The following SLC24A2 variants were observed in gnomAD, a reference collection of about 807,000 sequenced individuals.
SLC24A2 encodes solute carrier family 24 member 2.
In SLC24A2, 36 loss-of-function variants were observed where a neutral mutation model predicts 62.0. That is an observed-to-expected ratio of 0.58 (90% CI 0.44 to 0.77). The LOEUF (loss-of-function observed/expected upper bound fraction) is 0.77. Among genes scored for constraint, SLC24A2 ranks in the 30% least tolerant of loss-of-function variants. The probability of loss-of-function intolerance (pLI) is 0.00; values close to 1 mark genes in which losing one functional copy is unlikely to be tolerated. For missense variants in SLC24A2, 846 were observed against 817.9 expected (o/e 1.03, Z -0.42); for synonymous variants, 358 against 294.0 (o/e 1.22, Z -2.23).
chr9:20,177,025 G>C, the SLC24A2 span, among the ~76,000 whole-genome samples: 1 of 152,028 alleles, frequency 6.6e-6, no homozygotes, highest in Non-Finnish European at 1.5e-5. Flanking sequence ...CTTAGTCTTT[G>C]ATTCACAGAA....
chr9:20,151,500 G>A, the SLC24A2 span, among the ~76,000 whole-genome samples: 1 of 151,812 alleles, frequency 6.6e-6, no homozygotes, highest in African/African-American at 2.4e-5. Flanking sequence ...ATCTGTAAGT[G>A]CTTCCTCAGA....
the SLC24A2 span, among the ~76,000 whole-genome samples, chr9:20,009,416 G>A: frequency 6.6e-6 from 1 of 151,070 alleles, no homozygotes; most frequent in Admixed American, 6.6e-5. Flanking sequence ...GCGGGCGGGT[G>A]ATAGAGTTCA....
intron 7 of SLC24A2, among the ~76,000 whole-genome samples, chr9:19,570,021 T>A (rs1835791710): frequency 6.6e-6 from 1 of 152,268 alleles, no homozygotes; most frequent in African/African-American, 2.4e-5. Context: ...GTTTTGTTCA[T>A]GGCCTTTGGG....
chr9:19,961,023 G>GTGTGTGTGTGTGT, the SLC24A2 span, among the ~76,000 whole-genome samples: 8 of 141,618 alleles, frequency 5.6e-5, no homozygotes, highest in African/African-American at 1.9e-4. Context: ...TAGAGGGGTG[G>GTGTGTGTGTGTGT]GTGTGTGTGT....
chr9:19,745,252 T>C (rs1821798302), intron 2 of SLC24A2, among the ~76,000 whole-genome samples: 2 of 152,316 alleles, frequency 1.3e-5, no homozygotes. Context: ...TGTGCCATAC[T>C]TCTTGTACAG....
the SLC24A2 span, among the ~76,000 whole-genome samples, chr9:20,188,489 C>T: frequency 6.6e-6 from 1 of 152,294 alleles, no homozygotes; most frequent in East Asian, 1.9e-4. Flanking sequence ...CCAGCTACAT[C>T]CACATTCTAA....
chr9:20,093,472 G>C, the SLC24A2 span, among the ~76,000 whole-genome samples: 1 of 152,012 alleles, frequency 6.6e-6, no homozygotes, highest in Non-Finnish European at 1.5e-5. Context: ...ACATGAGTTT[G>C]AGGTTTTGAT....
chr9:19,561,469 C>G (rs1002884463), intron 7 of SLC24A2, among the ~76,000 whole-genome samples: 3 of 137,792 alleles, frequency 2.2e-5, no homozygotes, highest in Non-Finnish European at 4.6e-5. Context: ...GAGTCTTGCT[C>G]TGTTGCCCAG....
At chr9:20,103,026 C>T in the SLC24A2 span, among the ~76,000 whole-genome samples, 3 of 152,216 alleles carry the variant, frequency 2.0e-5, no homozygotes, top group Admixed American at 6.5e-5. Context: ...GCTTAAAAAA[C>T]GGTGCACCAG....
chr9:19,619,079 G>C (rs1035746482), intron 4 of SLC24A2, among the ~76,000 whole-genome samples: 3 of 152,082 alleles, frequency 2.0e-5, no homozygotes, highest in African/African-American at 7.2e-5. Flanking sequence ...TAGATGCATA[G>C]ATGCTCACCT....
chr9:19,550,278 A>G lies in SLC24A2; in HGVS notation c.1348-10T>C, dbSNP rs548655024. 9.9e-6 allele frequency: 16 copies of G among 1,613,762 alleles called. No homozygotes were observed. Among genetic ancestry groups the G allele is most frequent in the Admixed American group, 8.3e-5 (5 of 60,018 alleles). ...CCTCCTCATCAGCGGTCTGTGGTAG[A>G]AAAAGAGGTAAAATTAAACAAACAA... On this transcript the variant is annotated splice_polypyrimidine_tract_variant and intron_variant, in intron 7 of 10. Transcript: ENST00000341998.
intron 2 of SLC24A2, among the ~76,000 whole-genome samples, chr9:19,658,225 T>C (rs1818996525): frequency 6.6e-6 from 1 of 152,244 alleles, no homozygotes; most frequent in Non-Finnish European, 1.5e-5. Context: ...TATTTACGTA[T>C]TTGTATCCAT....
At chr9:19,547,805 T>C (rs985525536) in intron 8 of SLC24A2, among the ~76,000 whole-genome samples, 6 of 151,272 alleles carry the variant, frequency 4.0e-5, no homozygotes, top group African/African-American at 1.2e-4. Context: ...CACAAAAGCA[T>C]TGGACTAAAC....
chr9:19,568,090 C>T lies in SLC24A2; in HGVS notation c.1347+5261G>A, dbSNP rs1459301100. ...AATTTCCGCTAATAAAGTCAGGATG[C>T]GCACCTCACTCTTAACGGAACTTGC... On this transcript the variant is annotated intron_variant, in intron 7 of 10. Transcript: ENST00000341998. Among the ~76,000 whole-genome samples, 7 of 152,156 alleles carry T rather than the reference C, an allele frequency of 4.6e-5. No homozygotes were observed. In the East Asian group the frequency reaches 7.7e-4, roughly 17 times the overall value.
chr9:19,924,217 A>G, the SLC24A2 span, among the ~76,000 whole-genome samples: 698 of 152,302 alleles, frequency 4.6e-3, 2 homozygotes, highest in African/African-American at 0.015. Flanking sequence ...CAGAGGAGTA[A>G]GGAAAACAAA....
chr9:20,226,103 A>G, the SLC24A2 span, among the ~76,000 whole-genome samples: 1 of 152,176 alleles, frequency 6.6e-6, no homozygotes, highest in African/African-American at 2.4e-5. Flanking sequence ...AGAAAGTTCC[A>G]GCAGCCAATT....
At chr9:20,066,428 C>A in the SLC24A2 span, among the ~76,000 whole-genome samples, 1 of 152,080 alleles carries the variant, frequency 6.6e-6, no homozygotes, top group African/African-American at 2.4e-5. Flanking sequence ...AGGGGGGAAA[C>A]GGGAAATTAA....
chr9:20,163,613 C>G, the SLC24A2 span, among the ~76,000 whole-genome samples: 13 of 152,080 alleles, frequency 8.5e-5, no homozygotes, highest in Non-Finnish European at 1.3e-4. Context: ...ACTTTCTTCA[C>G]AGAATTGGAA....
the SLC24A2 span, among the ~76,000 whole-genome samples, chr9:20,151,968 G>T: frequency 6.6e-6 from 1 of 151,812 alleles, no homozygotes; most frequent in African/African-American, 2.4e-5. Context: ...GCTTATATTA[G>T]TGAAAATTGT....
Sources: gnomAD v4.1 joint callset for allele counts (sites outside exome capture counted in the v4.1 genomes callset) on GRCh38, gnomAD v4.1.1 for gene constraint, MANE v1.5 for transcripts, NCBI Gene and HGNC (gene_info 2026-07-23, HGNC 2026-07-21) for gene names.